HTATSF1: variants seen among roughly 807,000 people sequenced by gnomAD.
HTATSF1 encodes 17S U2 SnRNP complex component HTATSF1.
In HTATSF1, 6 loss-of-function variants were observed where a neutral mutation model predicts 46.1. The ratio of observed to expected loss-of-function variants is 0.13; its 90% CI spans 0.07 to 0.26. HTATSF1 has a LOEUF of 0.26. HTATSF1 is among the 10% of genes least tolerant of loss of function. HTATSF1 has a pLI of 1.00. For synonymous variants in HTATSF1, 226 were observed against 211.5 expected, an observed-to-expected ratio of 1.07 and a Z score of -0.60; for missense variants, 452 against 559.9, an observed-to-expected ratio of 0.81 and a Z score of 1.94.
chrX:136,502,888 A>AAAG lies in HTATSF1; in HGVS notation c.694_696dup (p.Lys232dup). The AAAG allele has an allele frequency of 2.6e-6, 3 of 1,164,076 alleles. No individual in the cohort carries two copies. The highest frequency in any genetic ancestry group is 3.1e-5 in the East Asian group (1 of 32,054). On this transcript the variant is annotated inframe_insertion, in exon 5 of 9. Coordinates refer to ENST00000218364, the MANE Select transcript of HTATSF1 (RefSeq NM_014500.5). ...AACTGAAGGGAGAATATGATGCCTC[A>AAAG]AAGAAGAAGAAGAAGTGCAAAGACT...
upstream of HTATSF1, chrX:136,497,233 C>T (rs2075693975): frequency 8.9e-6 from 1 of 112,810 alleles, no homozygotes; most frequent in Non-Finnish European, 1.9e-5. Flanking sequence ...CGGCGCGACC[C>T]GCGACGTCGC....
chrX:136,506,548 C>T (rs925669161), intron 6 of HTATSF1, among the ~76,000 whole-genome samples: 1 of 112,270 alleles, frequency 8.9e-6, no homozygotes, highest in Admixed American at 9.4e-5. Flanking sequence ...CTAAATGAAA[C>T]CCTTGTTATT....
Position 136,511,852 on chromosome X carries a change from A to G in HTATSF1, c.2107A>G (p.Asn703Asp). Residue 703 changes from asparagine (N) to aspartate (D), a missense_variant, in exon 9 of 9, where the codon AAT becomes GAT. Around this residue, in one of 3 missense-constraint regions of HTATSF1, gnomAD observed 246 missense variants for 245.3 expected, o/e 1.00. Coordinates refer to ENST00000218364, the MANE Select transcript of HTATSF1 (RefSeq NM_014500.5). Reference sequence around the variant, plus strand: ...AAAGTTGTTCGAAGATGATGATTCCAATGAGAAGTTGTTTGATGAGGAGGA... The same window carrying G: ...AAAGTTGTTCGAAGATGATGATTCCGATGAGAAGTTGTTTGATGAGGAGGA... ...DEKLFEDDDSNEKLFDEEEDS... is the reference protein window; with the variant it reads ...DEKLFEDDDSDEKLFDEEEDS... 8.3e-7 allele frequency: 1 copy of G among 1,211,684 alleles called. No individual in the cohort carries two copies. Among genetic ancestry groups the G allele is most frequent in the Non-Finnish European group, 1.1e-6 (1 of 895,436 alleles).
intron 7 of HTATSF1, 71 bp from the exon 8 acceptor site, chrX:136,510,011 C>T: frequency 9.9e-7 from 1 of 1,010,083 alleles, no homozygotes. Flanking sequence ...TACTTACCTA[C>T]TTTGTGAAAT....
Position 136,511,862 on chromosome X carries a change from T to G in HTATSF1, c.2117T>G (p.Leu706Trp). Residue 706 changes from leucine to tryptophan, a missense_variant, in exon 9 of 9, where the codon TTG (leucine) becomes TGG (tryptophan). Leu to Trp is a moderately conservative substitution (Grantham distance 61, BLOSUM62 -2). Transcript: ENST00000218364. The part of the protein sequence containing the change: ...LFEDDDSNEK[L>W]FDEEEDSSEK... The stretch of plus-strand genomic sequence containing the variant: ...GAAGATGATGATTCCAATGAGAAGT[T>G]GTTTGATGAGGAGGAAGATTCCAGT... 1 of 1,211,323 alleles carries G rather than the reference T, an allele frequency of 8.3e-7. No individual in the cohort carries two copies. The highest frequency in any genetic ancestry group is 3.0e-5 in the East Asian group (1 of 33,832).
intron 1 of HTATSF1, among the ~76,000 whole-genome samples, chrX:136,498,590 G>C (rs886555469): frequency 2.7e-5 from 3 of 112,571 alleles, no homozygotes; most frequent in African/African-American, 9.7e-5. Context: ...AAATTGACTT[G>C]CAAGTCAATG....
chrX:136,502,194 A>T (rs1371050366), intron 4 of HTATSF1, among the ~76,000 whole-genome samples: 1 of 112,026 alleles, frequency 8.9e-6, no homozygotes, highest in Non-Finnish European at 1.9e-5. Flanking sequence ...ATTGTCTTCT[A>T]CTTCTCAGTG....
At chrX:136,507,144 C>T (rs965228243) in intron 6 of HTATSF1, among the ~76,000 whole-genome samples, 2 of 111,702 alleles carry the variant, frequency 1.8e-5, no homozygotes, top group African/African-American at 6.5e-5. Flanking sequence ...AAAGAACACA[C>T]AGCAGCATTG....
At chrX:136,504,223 A>G in intron 5 of HTATSF1, 141 bp from the exon 6 acceptor site, 1 of 434,612 alleles carries the variant, frequency 2.3e-6, no homozygotes, top group South Asian at 4.1e-5. Context: ...CTATGACTGA[A>G]ATACAGTTTG....
intron 4 of HTATSF1, among the ~76,000 whole-genome samples, chrX:136,502,237 A>G (rs1300650526): frequency 1.8e-5 from 2 of 111,967 alleles, no homozygotes; most frequent in African/African-American, 6.5e-5. Context: ...GGATGAACCA[A>G]AAAATTAAAG....
rs936136079 is a variant in HTATSF1, at chrX:136,500,265, C to T, written c.415+60C>T. ...AAATACTTAATTTTGAGATTTTTCA[C>T]GAAGTGATTTTTAGCTTTCAGTTTC... On this transcript the variant is annotated intron_variant, in intron 3 of 8. Transcript: ENST00000218364. 2.1e-5 allele frequency: 16 copies of T among 765,376 alleles called. No homozygotes were observed. In the Admixed American group the frequency reaches 3.2e-4, roughly 15 times the overall value. The allele number at this position is 765,376 out of a possible 1,213,427, so 63.1% of individuals were successfully genotyped here.
Position 136,497,873 on chromosome X carries a change from AG to A in HTATSF1, c.186+5del, listed in dbSNP as rs2075699634. On this transcript the variant is annotated splice_donor_region_variant and intron_variant, in intron 1 of 8. Coordinates refer to ENST00000218364, the MANE Select transcript of HTATSF1 (RefSeq NM_014500.5). Reference sequence around the variant, plus strand: ...ACAAAAAGGCTTGGTTCCCCAAGGTAGGAGAGTGCCACGGGCGCCACTGCAG... The same window carrying A: ...ACAAAAAGGCTTGGTTCCCCAAGGTAGAGAGTGCCACGGGCGCCACTGCAG... 8.7e-7 allele frequency: 1 copy of A among 1,143,992 alleles called. No homozygotes were observed. Among genetic ancestry groups the A allele is most frequent in the Non-Finnish European group, 1.2e-6 (1 of 853,266 alleles). 94.3% of individuals were successfully genotyped at this position (1,143,992 alleles called of 1,213,427 possible).
In HTATSF1 at chrX:136,498,675, G is replaced by C. The variant is rs1033228390; in HGVS notation, c.186+805G>C. On this transcript the variant is annotated intron_variant, in intron 1 of 8. Transcript: ENST00000218364. ...TTTTGCAACTTTTCTTTCCCATTCT[G>C]TATTTGTATATATATTCCAATCCCT... 3.6e-5 allele frequency among the ~76,000 whole-genome samples: 4 copies of C among 112,216 alleles called. No homozygotes were observed. The Admixed American group carries it at 3.8e-4, about 11-fold the overall frequency.
intron 6 of HTATSF1, among the ~76,000 whole-genome samples, chrX:136,508,426 C>T (rs1214819495): frequency 2.7e-5 from 3 of 112,073 alleles, no homozygotes; most frequent in Admixed American, 9.4e-5. Flanking sequence ...CACCCGAACT[C>T]TAGGCTACTA....
Position 136,503,086 on chromosome X carries a change from A to T in HTATSF1, c.734+145A>T, listed in dbSNP as rs757057738. On this transcript the variant is annotated intron_variant, in intron 5 of 8. Transcript: ENST00000218364. ...GCTCATCAGGTACCTTTAGCAATCT[A>T]TACAATAGGTTTAGATTTAGCAGTG... 3.1e-5 allele frequency: 10 copies of T among 325,918 alleles called. No homozygotes were observed. The South Asian group carries it at 1.7e-3, about 54-fold the overall frequency. The allele number at this position is 325,918 out of a possible 1,213,427, so 26.9% of individuals were successfully genotyped here.
Position 136,511,235 on chromosome X carries a change from A to G in HTATSF1, c.1490A>G (p.Asp497Gly). 1 of 1,209,202 alleles carries G rather than the reference A, an allele frequency of 8.3e-7. No individual in the cohort carries two copies. The highest frequency in any genetic ancestry group is 1.1e-6 in the Non-Finnish European group (1 of 894,714). ...EGNPVRGSEE[D>G]SPKKESKKKT... ...AATCCCGTAAGAGGATCTGAAGAGG[A>G]TAGTCCTAAAAAAGAGTCTAAAAAG... The change falls in exon 9 of 9, where the codon GAT becomes GGT. Residue 497 changes from aspartate to glycine, a missense_variant. This residue lies in a region of HTATSF1 where 246 missense variants were observed against 245.3 expected (regional missense o/e 1.00). Coordinates refer to ENST00000218364, the MANE Select transcript of HTATSF1 (RefSeq NM_014500.5).
At position 136,510,062 on chromosome X, in the gene HTATSF1, T is replaced by C; in HGVS notation, c.925-20T>C. ...TTAATCTTATCATTCATTCCTTTTT[T>C]TTCTTTCTTATCTTTCTAGAGGCAC... On this transcript the variant is annotated intron_variant, in intron 7 of 8. Transcript: ENST00000218364. 2 of 1,189,928 alleles carry C rather than the reference T, an allele frequency of 1.7e-6. No homozygotes were observed. The highest frequency in any genetic ancestry group is 2.3e-6 in the Non-Finnish European group (2 of 883,107).
intron 6 of HTATSF1, among the ~76,000 whole-genome samples, chrX:136,505,867 C>G (rs2075739858): frequency 1.8e-5 from 2 of 112,225 alleles, no homozygotes; most frequent in Non-Finnish European, 3.8e-5. Context: ...ACAGATTGAT[C>G]ACAATATTTA....
chrX:136,497,619 C>G lies in HTATSF1; in HGVS notation c.-66C>G. ...AGCGCGGTTGACCTCCCTTTCTCTG[C>G]TCAGCTCCAGCGTCATTTCGGCCTC... On this transcript the variant is annotated 5_prime_UTR_variant, in exon 1 of 9. Transcript: ENST00000218364. The G allele has an allele frequency of 9.9e-7, 1 of 1,005,106 alleles. No homozygotes were observed. Among genetic ancestry groups the G allele is most frequent in the Non-Finnish European group, 1.3e-6 (1 of 745,042 alleles). 82.8% of individuals were successfully genotyped at this position (1,005,106 alleles called of 1,213,427 possible). A position where few individuals can be genotyped will look rare whatever the true frequency, so the allele number is the denominator to read the frequency against.
Sources: allele counts gnomAD v4.1 joint callset (sites outside exome capture counted in the v4.1 genomes callset), GRCh38; gene constraint gnomAD v4.1.1; regional missense constraint gnomAD v4.1.1; transcripts MANE v1.5; gene names NCBI Gene and HGNC (gene_info 2026-07-23, HGNC 2026-07-21).